The following ZNF423 variants were observed in gnomAD, a reference collection of about 807,000 sequenced individuals.
ZNF423 encodes the protein Ebf-associated zinc finger protein.
In ZNF423, 12 loss-of-function variants were observed where a neutral mutation model predicts 95.8. The observed-to-expected ratio is 0.13, with a 90% CI of 0.08 to 0.20. The LOEUF is 0.20. Ranked by LOEUF, ZNF423 falls within the 10% of genes least tolerant of loss-of-function variation. ZNF423 has a pLI of 1.00. For synonymous variants in ZNF423, 749 were observed against 711.9 expected (o/e 1.05, Z -0.83); for missense variants, 1,316 against 1,737.1 (o/e 0.76, Z 4.31).
chr16:49,637,367 G>T lies in ZNF423; in HGVS notation c.1809C>A (p.His603Gln). The T allele has an allele frequency of 6.2e-7, 1 of 1,614,250 alleles. No homozygotes were observed. The highest frequency in any genetic ancestry group is 1.3e-5 in the African/African-American group (1 of 75,074). ...KENHKNIPLA[H>Q]SKKSKAEQSP... ...TCTGCTCGGCCTTGGACTTCTTGCT[G>T]TGGGCCAGTGGAATGTTCTTGTGGT... Residue 603 changes from histidine to glutamine, a missense_variant, in exon 4 of 8, where the codon CAC becomes CAA. By Grantham distance (24) the His-to-Gln change is conservative. Transcript: ENST00000563137. The surrounding 1 kb of genome is among the most constrained non-coding windows in gnomAD (Gnocchi z 5.6).
intron 3 of ZNF423, among the ~76,000 whole-genome samples, chr16:49,664,639 G>A (rs866397945): frequency 1.3e-5 from 2 of 152,060 alleles, no homozygotes; most frequent in Non-Finnish European, 1.5e-5. Context: ...AGGACAGGGT[G>A]GGGGGACGGC....
intron 5 of ZNF423, among the ~76,000 whole-genome samples, chr16:49,621,839 C>A (rs1291857059): frequency 1.3e-5 from 2 of 152,196 alleles, no homozygotes; most frequent in Non-Finnish European, 2.9e-5. Context: ...CAGGGCCAGC[C>A]AGAATCACAG....
chr16:49,744,162 G>C (rs188252231), intron 2 of ZNF423, among the ~76,000 whole-genome samples: 31 of 152,342 alleles, frequency 2.0e-4, no homozygotes, highest in African/African-American at 6.5e-4. Flanking sequence ...CAGTCCCCAA[G>C]AGGGTGTTTG....
chr16:49,802,627 G>A (rs1475321207), intron 1 of ZNF423, among the ~76,000 whole-genome samples: 1 of 152,180 alleles, frequency 6.6e-6, no homozygotes, highest in African/African-American at 2.4e-5. Context: ...AGCCTAGGAC[G>A]CTGCAGAGAC....
intron 1 of ZNF423, among the ~76,000 whole-genome samples, chr16:49,850,780 G>C (rs367968710): frequency 7.5e-4 from 115 of 152,368 alleles, no homozygotes; most frequent in African/African-American, 2.7e-3. Context: ...ACAGAAAACT[G>C]CAAGTCCAGA....
intron 3 of ZNF423, among the ~76,000 whole-genome samples, chr16:49,685,376 T>C (rs1013762297): frequency 2.6e-5 from 4 of 152,206 alleles, no homozygotes; most frequent in African/African-American, 9.7e-5. Context: ...CCTGCTCACA[T>C]GCAGCATGGG....
chr16:49,757,439 G>C (rs550083665), intron 2 of ZNF423, among the ~76,000 whole-genome samples: 62 of 152,346 alleles, frequency 4.1e-4, no homozygotes, highest in African/African-American at 1.4e-3. Context: ...CCAACAGCAA[G>C]GCTTGATCAG....
chr16:49,756,445 C>T (rs559701457), intron 2 of ZNF423, among the ~76,000 whole-genome samples: 1 of 152,306 alleles, frequency 6.6e-6, no homozygotes, highest in South Asian at 2.1e-4. Flanking sequence ...TGGAAAACAG[C>T]CTTTTGGAAG....
intron 2 of ZNF423, among the ~76,000 whole-genome samples, chr16:49,776,931 G>T (rs1246104888): frequency 6.6e-6 from 1 of 152,230 alleles, no homozygotes; most frequent in Non-Finnish European, 1.5e-5. Context: ...GGCTTTTTCT[G>T]CTCATTTGCA....
At chr16:49,665,097 C>T (rs1037130266) in intron 3 of ZNF423, among the ~76,000 whole-genome samples, 1 of 152,218 alleles carries the variant, frequency 6.6e-6, no homozygotes, top group Non-Finnish European at 1.5e-5. Context: ...TCCCCACACC[C>T]GCCATATTTG....
intron 5 of ZNF423, among the ~76,000 whole-genome samples, chr16:49,582,119 G>A (rs1481518955): frequency 6.6e-6 from 1 of 152,208 alleles, no homozygotes; most frequent in Non-Finnish European, 1.5e-5. Flanking sequence ...CTACACGCAA[G>A]CTGGGGATGC....
chr16:49,679,392 G>GC (rs1157287539), intron 3 of ZNF423, among the ~76,000 whole-genome samples: 2 of 152,218 alleles, frequency 1.3e-5, no homozygotes, highest in Admixed American at 6.5e-5. Context: ...AGCCTGGGAG[G>GC]CCCCCCTCTC....
At chr16:49,724,842 G>A (rs145046293) in intron 3 of ZNF423, among the ~76,000 whole-genome samples, 1,614 of 152,328 alleles carry the variant, frequency 0.011, 22 homozygotes, top group African/African-American at 0.037. Context: ...AGAAGGGATA[G>A]CGGAGAGGGG....
intron 2 of ZNF423, among the ~76,000 whole-genome samples, chr16:49,742,744 G>A (rs1195163790): frequency 6.6e-6 from 1 of 152,110 alleles, no homozygotes; most frequent in Non-Finnish European, 1.5e-5. Flanking sequence ...TCTCAGTCCT[G>A]GAGCAGAACT....
At chr16:49,700,857 C>G (rs1166012224) in intron 3 of ZNF423, among the ~76,000 whole-genome samples, 2 of 151,892 alleles carry the variant, frequency 1.3e-5, no homozygotes, top group African/African-American at 4.8e-5. Flanking sequence ...TCCTGAGTCC[C>G]CTGTGTGATC....
chr16:49,716,667 C>T (rs1305679579), intron 3 of ZNF423, among the ~76,000 whole-genome samples: 1 of 152,162 alleles, frequency 6.6e-6, no homozygotes, highest in African/African-American at 2.4e-5. Context: ...GTTAAATTTC[C>T]TTGCTCTTTT....
intron 1 of ZNF423, among the ~76,000 whole-genome samples, chr16:49,796,215 G>T (rs1487742534): frequency 6.6e-6 from 1 of 152,140 alleles, no homozygotes; most frequent in Non-Finnish European, 1.5e-5. Flanking sequence ...CTCTGGGATT[G>T]GCCACAGCTC....
chr16:49,760,571 T>A (rs2033811242), intron 2 of ZNF423, among the ~76,000 whole-genome samples: 1 of 152,082 alleles, frequency 6.6e-6, no homozygotes, highest in Non-Finnish European at 1.5e-5. Context: ...GATACGAAGA[T>A]GACCAAGACA....
At chr16:49,601,068 G>A (rs1470257953) in intron 5 of ZNF423, among the ~76,000 whole-genome samples, 1 of 152,186 alleles carries the variant, frequency 6.6e-6, no homozygotes, top group Non-Finnish European at 1.5e-5. Context: ...TTGGAGGTTG[G>A]AACAAAATCC....
Sources: gnomAD v4.1 joint callset for allele counts (sites outside exome capture counted in the v4.1 genomes callset) on GRCh38, gnomAD v4.1.1 for gene constraint, Gnocchi (gnomAD v3.1) non-coding constraint, MANE v1.5 for transcripts, NCBI Gene and HGNC (gene_info 2026-07-23, HGNC 2026-07-21) for gene names.